TMEFF2: variants seen among roughly 807,000 people sequenced by gnomAD.
TMEFF2 encodes tomoregulin-2.
TMEFF2 carries 28 observed loss-of-function variants against 53.8 expected under a neutral mutation model. The observed-to-expected ratio is 0.52, with a 90% CI of 0.39 to 0.71. The LOEUF (loss-of-function observed/expected upper bound fraction) is 0.71. Ranked by LOEUF, TMEFF2 falls within the 30% of genes least tolerant of loss-of-function variation. The pLI is 0.00. For synonymous variants in TMEFF2, 162 were observed against 166.3 expected (o/e 0.97, Z 0.20); for missense variants, 353 against 455.2 (o/e 0.78, Z 2.04).
chr2:192,168,630 C>G (rs57943709), intron 4 of TMEFF2, among the ~76,000 whole-genome samples: 20,491 of 151,996 alleles, frequency 0.13, 1,534 homozygotes, highest in African/African-American at 0.2. Flanking sequence ...CTAGGCTCCT[C>G]CTGGCATGCC....
chr2:192,100,725 A>C (rs1689013444), intron 4 of TMEFF2, among the ~76,000 whole-genome samples: 1 of 152,140 alleles, frequency 6.6e-6, no homozygotes, highest in Non-Finnish European at 1.5e-5. Context: ...AAATAATCTG[A>C]TTTTTTATCT....
intron 5 of TMEFF2, chr2:192,028,978 G>T (rs1393604209): frequency 1.3e-5 from 2 of 152,086 alleles, no homozygotes; most frequent in African/African-American, 4.8e-5. Flanking sequence ...AACCCTTTAA[G>T]GGAACTTCTT....
At position 191,953,690 on chromosome 2, in the gene TMEFF2, G is replaced by C. The variant is rs767125173; in HGVS notation, c.1017C>G (p.Leu339=). ...IQIAVICVVV[L]CITRKCPRSN... The stretch of plus-strand genomic sequence containing the variant: ...GTGCTGTTACTGACCTTGTGATGCA[G>C]AGGACCACCACACAGATGACAGCAA... The change falls in exon 9 of 10, where the codon CTC becomes CTG. Residue 339 remains leucine (L), a synonymous_variant. Transcript: ENST00000272771. The C allele has an allele frequency of 6.2e-7, 1 of 1,613,672 alleles. No homozygotes were observed. The highest frequency in any genetic ancestry group is 8.5e-7 in the Non-Finnish European group (1 of 1,179,838).
intron 7 of TMEFF2, 137 bp downstream of exon 7, chr2:191,998,125 C>A: frequency 1.6e-6 from 1 of 635,150 alleles, no homozygotes. Context: ...CTAATGAAAG[C>A]TTGAACTAAG....
At chr2:191,966,009 C>T (rs548557687) in intron 7 of TMEFF2, among the ~76,000 whole-genome samples, 3 of 151,424 alleles carry the variant, frequency 2.0e-5, no homozygotes, top group East Asian at 3.9e-4. Context: ...AAAAAACTTG[C>T]GTAGTCTCTG....
intron 4 of TMEFF2, among the ~76,000 whole-genome samples, chr2:192,123,371 G>A (rs1360175230): frequency 3.3e-5 from 5 of 151,910 alleles, no homozygotes; most frequent in African/African-American, 4.8e-5. Context: ...TGAGGTAATC[G>A]ATCTAGATTA....
In TMEFF2 at chr2:191,954,130, G is replaced by A. The variant is rs527809253; in HGVS notation, c.870-293C>T. Among the ~76,000 whole-genome samples the A allele has an allele frequency of 8.6e-5, 13 of 151,954 alleles. No individual in the cohort carries two copies. The South Asian group carries it at 1.2e-3, about 15-fold the overall frequency. ...TCTCGATTTCCTGACCTCGTGATCC[G>A]CCCACCTCAGCCTCCCAAAGTGCTG... On this transcript the variant is annotated intron_variant, in intron 8 of 9. Transcript: ENST00000272771.
chr2:191,989,776 G>A (rs914362257), intron 7 of TMEFF2, among the ~76,000 whole-genome samples: 2 of 151,928 alleles, frequency 1.3e-5, no homozygotes, highest in African/African-American at 4.8e-5. Context: ...CTTGGCCCTT[G>A]ATTAAGCCCA....
At chr2:192,098,431 G>C (rs1688963630) in intron 4 of TMEFF2, among the ~76,000 whole-genome samples, 1 of 152,294 alleles carries the variant, frequency 6.6e-6, no homozygotes, top group South Asian at 2.1e-4. Flanking sequence ...GACAAGACAA[G>C]CTGCTCAAAC....
At chr2:192,001,167 G>A (rs115029187) in intron 5 of TMEFF2, among the ~76,000 whole-genome samples, 1,599 of 152,244 alleles carry the variant, frequency 0.011, 14 homozygotes, top group Middle Eastern at 0.024. Context: ...TCTGACTGTT[G>A]TTGTGTTAGA....
chr2:191,959,077 A>G (rs1394526153), intron 7 of TMEFF2, among the ~76,000 whole-genome samples: 1 of 152,204 alleles, frequency 6.6e-6, no homozygotes, highest in Non-Finnish European at 1.5e-5. Flanking sequence ...ACAAAGCATT[A>G]AAACATTTTA....
intron 5 of TMEFF2, chr2:192,036,106 TATTCATC>T (rs1574311475): frequency 6.6e-6 from 1 of 152,342 alleles, no homozygotes; most frequent in East Asian, 1.9e-4. Context: ...CTTATTTATT[TATTCATC>T]ATTCATTTAT....
intron 7 of TMEFF2, among the ~76,000 whole-genome samples, chr2:191,964,352 C>CTT (rs1394769617): frequency 9.6e-6 from 1 of 104,412 alleles, no homozygotes; most frequent in Non-Finnish European, 1.9e-5. Context: ...TTCTTTCTTT[C>CTT]TTTCTTTCTT....
At chr2:192,116,357 G>T (rs1024108811) in intron 4 of TMEFF2, among the ~76,000 whole-genome samples, 1 of 151,920 alleles carries the variant, frequency 6.6e-6, no homozygotes, top group African/African-American at 2.4e-5. Flanking sequence ...GTTGGTCAAA[G>T]AGTACAAATT....
chr2:192,158,961 A>AT (rs1690571556), intron 4 of TMEFF2, among the ~76,000 whole-genome samples: 2 of 152,104 alleles, frequency 1.3e-5, no homozygotes, highest in South Asian at 2.1e-4. Context: ...TCGAGCGATC[A>AT]TTTTTTTCTG....
chr2:192,008,388 C>T (rs995968845), intron 5 of TMEFF2, among the ~76,000 whole-genome samples: 14 of 152,208 alleles, frequency 9.2e-5, no homozygotes, highest in Admixed American at 2.0e-4. Context: ...GCCTTTTCCT[C>T]AGGATTATTC....
intron 4 of TMEFF2, among the ~76,000 whole-genome samples, chr2:192,065,777 C>CA (rs1190834958): frequency 2.6e-5 from 4 of 151,414 alleles, no homozygotes; most frequent in Admixed American, 6.6e-5. Context: ...CTCATTATCA[C>CA]AAAAAATCTG....
At chr2:192,119,643 C>T (rs1689500802) in intron 4 of TMEFF2, among the ~76,000 whole-genome samples, 1 of 152,160 alleles carries the variant, frequency 6.6e-6, no homozygotes. Flanking sequence ...TGGGGTTTCA[C>T]CTCAGACAAT....
At chr2:192,031,994 A>G (rs972831878) in intron 5 of TMEFF2, 2 of 152,228 alleles carry the variant, frequency 1.3e-5, no homozygotes, top group Non-Finnish European at 1.5e-5. Flanking sequence ...CTGAACAGCA[A>G]CAAATACTTT....
Sources: gnomAD v4.1 joint callset for allele counts (sites outside exome capture counted in the v4.1 genomes callset) on GRCh38, gnomAD v4.1.1 for gene constraint, MANE v1.5 for transcripts, NCBI Gene and HGNC (gene_info 2026-07-23, HGNC 2026-07-21) for gene names.